ATP6V0A1: variants seen among roughly 807,000 people sequenced by gnomAD.
ATP6V0A1 encodes ATPase H+ transporting V0 subunit a1.
In ATP6V0A1, 43 loss-of-function variants were observed where a neutral mutation model predicts 105.4. The ratio of observed to expected loss-of-function variants is 0.41; its 90% CI spans 0.32 to 0.53. The LOEUF is 0.53. Among genes scored for constraint, ATP6V0A1 ranks in the 20% least tolerant of loss-of-function variants. The probability of loss-of-function intolerance (pLI) is 0.30; values close to 1 mark genes in which losing one functional copy is unlikely to be tolerated. For missense variants in ATP6V0A1, 676 were observed against 1,051.1 expected (o/e 0.64, Z 4.93); for synonymous variants, 362 against 372.8 (o/e 0.97, Z 0.33).
chr17:42,509,331 A>G (rs1253018305), intron 19 of ATP6V0A1, among the ~76,000 whole-genome samples: 1 of 150,606 alleles, frequency 6.6e-6, no homozygotes, highest in Non-Finnish European at 1.5e-5. Context: ...AGCAACATAC[A>G]CTCTTTAAAC....
intron 9 of ATP6V0A1, among the ~76,000 whole-genome samples, chr17:42,483,998 G>T (rs187857339): frequency 3.9e-5 from 6 of 152,310 alleles, no homozygotes; most frequent in African/African-American, 1.4e-4. Context: ...GATTATAGGC[G>T]TGAGCCACTG....
At position 42,502,811 on chromosome 17, in the gene ATP6V0A1, GGCCCCAGTCA is replaced by G. The variant is rs570121404; in HGVS notation, c.2004+1512_2004+1521del. The G allele has an allele frequency of 4.3e-3, 651 of 152,730 alleles. 2 individuals carry two copies. The highest frequency in any genetic ancestry group is 6.0e-3 in the Non-Finnish European group (406 of 68,042). 9.5% of individuals were successfully genotyped at this position (152,730 alleles called of 1,614,324 possible). A position where few individuals can be genotyped will look rare whatever the true frequency, so the allele number is the denominator to read the frequency against. ...ACTATCAGGAAGGGCAACCTGTGGAGGCCCCAGTCAGCCCAAACCCGAGCCAACAGGGACT... is the reference window on the plus strand; with the variant it reads ...ACTATCAGGAAGGGCAACCTGTGGAGGCCCAAACCCGAGCCAACAGGGACT... On this transcript the variant is annotated intron_variant, in intron 17 of 21. Coordinates refer to ENST00000343619, the MANE Select transcript of ATP6V0A1 (RefSeq NM_001130021.3).
intron 2 of ATP6V0A1, 122 bp downstream of exon 2, chr17:42,461,133 A>G (rs992191617): frequency 3.5e-5 from 28 of 791,508 alleles, no homozygotes; most frequent in African/African-American, 5.2e-5. Flanking sequence ...CTGACTTCCT[A>G]TTGGCAGAAT....
At chr17:42,489,076 GT>G (rs1386695864) in intron 10 of ATP6V0A1, among the ~76,000 whole-genome samples, 60 of 137,926 alleles carry the variant, frequency 4.4e-4, no homozygotes, top group South Asian at 1.6e-3. Context: ...TTGTTTTTTG[GT>G]TTTTTTTTTT....
chr17:42,482,678 C>T (rs2089665016), intron 8 of ATP6V0A1, among the ~76,000 whole-genome samples: 1 of 151,792 alleles, frequency 6.6e-6, no homozygotes, highest in Non-Finnish European at 1.5e-5. Context: ...GGGTGGATCG[C>T]CTAAGGTCAG....
In ATP6V0A1 at chr17:42,461,692, A is replaced by C. The variant is rs887331472; in HGVS notation, c.117+681A>C. Among the ~76,000 whole-genome samples, 17 of 152,172 alleles carry C rather than the reference A, an allele frequency of 1.1e-4. 1 individual carries two copies. Among genetic ancestry groups the C allele is most frequent in the Middle Eastern group, 6.8e-3 (2 of 294 alleles). On this transcript the variant is annotated intron_variant, in intron 2 of 21. Coordinates refer to ENST00000343619, the MANE Select transcript of ATP6V0A1 (RefSeq NM_001130021.3). ...AGGCCGAGGCAGGAGAATCGCCTGAACCTGGGAGGCGGAGGTTGCAGTGAG... is the reference window on the plus strand; with the variant it reads ...AGGCCGAGGCAGGAGAATCGCCTGACCCTGGGAGGCGGAGGTTGCAGTGAG...
At chr17:42,464,873 G>C (rs2086854314) in intron 2 of ATP6V0A1, among the ~76,000 whole-genome samples, 1 of 152,096 alleles carries the variant, frequency 6.6e-6, no homozygotes, top group Non-Finnish European at 1.5e-5. Flanking sequence ...CTTCATAAAT[G>C]TTGAGTAAAT....
chr17:42,498,897 C>T (rs765011129), intron 14 of ATP6V0A1, 27 bp from the exon 15 acceptor site: 1 of 1,424,874 alleles, frequency 7.0e-7, no homozygotes, highest in Non-Finnish European at 9.8e-7. Flanking sequence ...CTTTATAATA[C>T]CTATTTGTTT....
intron 5 of ATP6V0A1, chr17:42,470,525 T>TA (rs1373946544): frequency 2.2e-5 from 5 of 224,968 alleles, no homozygotes; most frequent in African/African-American, 1.2e-4. Context: ...ATAAGGTAAG[T>TA]ATATGCTTAA....
chr17:42,494,197 T>G, intron 11 of ATP6V0A1, 137 bp from the exon 12 acceptor site: 1 of 844,148 alleles, frequency 1.2e-6, no homozygotes, highest in Non-Finnish European at 1.8e-6. Context: ...GAGCCAAGAT[T>G]GAGACATTGC....
intron 18 of ATP6V0A1, among the ~76,000 whole-genome samples, chr17:42,508,256 G>C (rs1187336804): frequency 6.6e-6 from 1 of 152,138 alleles, no homozygotes; most frequent in Non-Finnish European, 1.5e-5. Flanking sequence ...TACTCATTAT[G>C]TTCTTTTTAA....
chr17:42,495,538 C>A, intron 13 of ATP6V0A1, 88 bp from the exon 14 acceptor site: 1 of 995,174 alleles, frequency 1.0e-6, no homozygotes, highest in Non-Finnish European at 1.6e-6. Context: ...AAGATAGCTA[C>A]AGTAATTTAT....
intron 7 of ATP6V0A1, 110 bp from the exon 8 acceptor site, chr17:42,480,557 G>A (rs2089364899): frequency 1.1e-6 from 1 of 940,592 alleles, no homozygotes. Context: ...GGACTGCCAT[G>A]TCCTTAAAAG....
At chr17:42,511,944 C>G (rs1245299999) in intron 19 of ATP6V0A1, among the ~76,000 whole-genome samples, 1 of 151,854 alleles carries the variant, frequency 6.6e-6, no homozygotes, top group Non-Finnish European at 1.5e-5. Context: ...GCCTGGGTGA[C>G]AAGTGAAACT....
chr17:42,486,680 A>G (rs1053645418), intron 9 of ATP6V0A1, among the ~76,000 whole-genome samples: 7 of 152,158 alleles, frequency 4.6e-5, no homozygotes, highest in African/African-American at 1.4e-4. Flanking sequence ...CTCCTGGCCC[A>G]TGTTCCCAGT....
At chr17:42,474,636 G>A (rs1288929166) in intron 5 of ATP6V0A1, among the ~76,000 whole-genome samples, 1 of 152,192 alleles carries the variant, frequency 6.6e-6, no homozygotes, top group Admixed American at 6.5e-5. Flanking sequence ...ACCCTCAAAT[G>A]TTGGAAACTT....
intron 11 of ATP6V0A1, among the ~76,000 whole-genome samples, chr17:42,493,130 A>T (rs1046321307): frequency 1.3e-5 from 2 of 152,202 alleles, no homozygotes; most frequent in Non-Finnish European, 2.9e-5. Flanking sequence ...TGTTTCTTCT[A>T]AGATGTCTGA....
chr17:42,508,476 A>T lies in ATP6V0A1; in HGVS notation c.2113-96A>T, dbSNP rs1313071348. On this transcript the variant is annotated intron_variant, in intron 18 of 21. Transcript: ENST00000343619. ...ACGTGCTAGCCCATTTAACATGAAC[A>T]GTCCTCCCCAAGAAGCATTCAGTAG... The T allele has an allele frequency of 3.3e-6, 5 of 1,510,980 alleles. No individual in the cohort carries two copies. In the South Asian group the frequency reaches 3.4e-5, roughly 10 times the overall value. 93.6% of individuals were successfully genotyped at this position (1,510,980 alleles called of 1,614,324 possible). A position where few individuals can be genotyped will look rare whatever the true frequency, so the allele number is the denominator to read the frequency against.
intron 7 of ATP6V0A1, 33 bp from the exon 8 acceptor site, chr17:42,480,634 T>C: frequency 6.3e-7 from 1 of 1,591,454 alleles, no homozygotes; most frequent in Non-Finnish European, 8.5e-7. Context: ...GATACAGAAG[T>C]CTGAACTCTT....
Sources: gnomAD v4.1 joint callset for allele counts (sites outside exome capture counted in the v4.1 genomes callset) on GRCh38, gnomAD v4.1.1 for gene constraint, MANE v1.5 for transcripts, NCBI Gene and HGNC (gene_info 2026-07-23, HGNC 2026-07-21) for gene names.